Variants in CC2D2A observed in about 807,000 individuals in gnomAD.
CC2D2A encodes coiled-coil and C2 domain-containing protein 2A.
A neutral mutation model predicts 212.9 loss-of-function variants in CC2D2A; 155 were observed. That is an observed-to-expected ratio of 0.73 (90% confidence interval 0.64 to 0.83). CC2D2A has a LOEUF of 0.83. Among genes scored for constraint, CC2D2A ranks in the 40% least tolerant of loss-of-function variants. The probability of loss-of-function intolerance (pLI) is 0.00; values close to 1 mark genes in which losing one functional copy is unlikely to be tolerated. For missense variants in CC2D2A, 1,856 were observed against 1,956.2 expected (o/e 0.95, Z 0.97); for synonymous variants, 667 against 686.5 (o/e 0.97, Z 0.44).
At chr4:15,594,235 A>G (rs928564824) in intron 33 of CC2D2A, among the ~76,000 whole-genome samples, 31 of 152,154 alleles carry the variant, frequency 2.0e-4, no homozygotes, top group African/African-American at 7.5e-4. Flanking sequence ...ATTTCTGATG[A>G]AAAGTGATTT....
chr4:15,598,935 G>A (rs1273897079), intron 35 of CC2D2A, among the ~76,000 whole-genome samples: 6 of 152,070 alleles, frequency 3.9e-5, no homozygotes, highest in South Asian at 4.1e-4. Flanking sequence ...CAAGGCAGGC[G>A]GATCACTTGA....
chr4:15,489,451 C>G (rs921681587), intron 4 of CC2D2A, among the ~76,000 whole-genome samples: 1 of 152,086 alleles, frequency 6.6e-6, no homozygotes, highest in Non-Finnish European at 1.5e-5. Context: ...AGTTCACTAC[C>G]TCACACAGTA....
chr4:15,563,592 C>A, intron 24 of CC2D2A, 70 bp downstream of exon 24: 1 of 1,472,552 alleles, frequency 6.8e-7, no homozygotes, highest in Non-Finnish European at 9.3e-7. Flanking sequence ...TCCTTTACAG[C>A]ATACTCACTC....
At chr4:15,484,762 C>G (rs546804022) in intron 4 of CC2D2A, among the ~76,000 whole-genome samples, 9 of 152,218 alleles carry the variant, frequency 5.9e-5, no homozygotes, top group Admixed American at 2.0e-4. Flanking sequence ...GCAGAAAGGG[C>G]AGGTTTGAAG....
At chr4:15,486,976 T>A (rs1715036078) in intron 4 of CC2D2A, among the ~76,000 whole-genome samples, 1 of 152,072 alleles carries the variant, frequency 6.6e-6, no homozygotes, top group South Asian at 2.1e-4. Context: ...TGTTATTGAT[T>A]TCTAGTTTTA....
At chr4:15,511,586 C>A in intron 8 of CC2D2A, 163 bp downstream of exon 8, 1 of 571,040 alleles carries the variant, frequency 1.8e-6, no homozygotes, top group Non-Finnish European at 2.9e-6. Flanking sequence ...ACATGGCTCC[C>A]TGTAGCTCTG....
chr4:15,498,892 T>C (rs1715766685), intron 4 of CC2D2A, among the ~76,000 whole-genome samples: 1 of 152,232 alleles, frequency 6.6e-6, no homozygotes, highest in Non-Finnish European at 1.5e-5. Context: ...TCTATGTTTT[T>C]CCTTCGCTGA....
At chr4:15,492,942 G>A in intron 4 of CC2D2A, 1 of 520,772 alleles carries the variant, frequency 1.9e-6, no homozygotes, top group Non-Finnish European at 3.7e-6. Flanking sequence ...TCTGATGCCT[G>A]CTTCACCACC....
At chr4:15,523,832 C>A (rs1289136712) in intron 11 of CC2D2A, among the ~76,000 whole-genome samples, 2 of 152,198 alleles carry the variant, frequency 1.3e-5, no homozygotes, top group Non-Finnish European at 2.9e-5. Context: ...CTTTGATAGC[C>A]TAAGCTTAAC....
At chr4:15,534,428 T>C (rs1294314355) in intron 14 of CC2D2A, among the ~76,000 whole-genome samples, 2 of 152,254 alleles carry the variant, frequency 1.3e-5, no homozygotes, top group Admixed American at 1.3e-4. Context: ...ATAACCTTTA[T>C]AATTTTAGCT....
intron 18 of CC2D2A, among the ~76,000 whole-genome samples, chr4:15,552,603 T>C (rs1381670894): frequency 6.6e-6 from 1 of 152,184 alleles, no homozygotes. Flanking sequence ...ACATACTAAG[T>C]ATTTCTCTTA....
In CC2D2A at chr4:15,510,203, TC is replaced by T; in HGVS notation, c.505del (p.His169MetfsTer89). 1.9e-6 allele frequency: 3 copies of T among 1,612,980 alleles called. No individual in the cohort carries two copies. Among genetic ancestry groups the T allele is most frequent in the Non-Finnish European group, 2.5e-6 (3 of 1,179,626 alleles). On this transcript the variant is annotated frameshift_variant, in exon 7 of 37. Transcript: ENST00000424120. LOFTEE classifies it high-confidence loss of function. ...TCCCAAAGTTACTCAAGAGTCAAGT[TC>T]CATGATTCTGCACGAAAAATCAAGC... ...VDSQSYSRVKFHDSARKIKPK... is the reference protein window; with the variant it reads ...VDSQSYSRVKXHDSARKIKPK...
intron 31 of CC2D2A, 97 bp from the exon 32 acceptor site, chr4:15,587,719 A>G (rs947260487): frequency 1.8e-5 from 12 of 672,968 alleles, no homozygotes; most frequent in African/African-American, 3.6e-5. Flanking sequence ...TTACACTTCA[A>G]GACACTAACC....
rs1162314159 is a variant in CC2D2A at position 15,502,884 on chromosome 4, T to C, written c.399T>C (p.Ser133=). The change falls in exon 6 of 37, where the codon AGT becomes AGC. Residue 133 remains serine (S), a synonymous_variant. Coordinates refer to ENST00000424120, the MANE Select transcript of CC2D2A (RefSeq NM_001378615.1). ...IPTPRPRRLR[S]PSKKELETEF... is the part of the protein sequence containing the mutation. Reference sequence around the variant, plus strand: ...CTCCTCGGCCCAGACGCTTACGAAGTCCCAGTAAGAAAGAATTGGAGACTG... The same window carrying C: ...CTCCTCGGCCCAGACGCTTACGAAGCCCCAGTAAGAAAGAATTGGAGACTG... 1 of 1,611,408 alleles carries C rather than the reference T, an allele frequency of 6.2e-7. No individual in the cohort carries two copies.
intron 30 of CC2D2A, among the ~76,000 whole-genome samples, chr4:15,581,391 A>C (rs1284426776): frequency 6.6e-6 from 1 of 152,226 alleles, no homozygotes; most frequent in East Asian, 1.9e-4. Context: ...GGAAAATATA[A>C]GAGACAAGAA....
chr4:15,554,297 AGCCCC>A (rs1165021849), intron 19 of CC2D2A, among the ~76,000 whole-genome samples: 1 of 152,246 alleles, frequency 6.6e-6, no homozygotes, highest in African/African-American at 2.4e-5. Flanking sequence ...CTATTAATAA[AGCCCC>A]AGCTCAACCT....
At chr4:15,558,666 AGAG>A (rs1719413707) in intron 21 of CC2D2A, among the ~76,000 whole-genome samples, 1 of 152,098 alleles carries the variant, frequency 6.6e-6, no homozygotes, top group Non-Finnish European at 1.5e-5. Flanking sequence ...GAGTGGGATT[AGAG>A]GAGAACATAG....
intron 24 of CC2D2A, 120 bp downstream of exon 24, chr4:15,563,642 G>T (rs982307352): frequency 2.7e-6 from 3 of 1,119,850 alleles, no homozygotes; most frequent in Admixed American, 2.2e-5. Context: ...GGGACTGAGG[G>T]TTCTTGCAAA....
At position 15,589,667 on chromosome 4, in the gene CC2D2A, AGGTCCTGACAATG is replaced by A; in HGVS notation, c.4303_4314+1del. 4 of 1,563,160 alleles carry A rather than the reference AGGTCCTGACAATG, an allele frequency of 2.6e-6. No individual in the cohort carries two copies. Among genetic ancestry groups the A allele is most frequent in the Non-Finnish European group, 3.5e-6 (4 of 1,152,014 alleles). On this transcript the variant is annotated splice_donor_variant and coding_sequence_variant, in exon 33 of 37. Transcript: ENST00000424120. LOFTEE classifies it high-confidence loss of function. ...CCTTGAAAAATGTGGGCTGTTTAAT[AGGTCCTGACAATG>A]TAAGTATTAACATTTCTTCTTAAAT...
Sources: allele counts gnomAD v4.1 joint callset (sites outside exome capture counted in the v4.1 genomes callset), GRCh38; gene constraint gnomAD v4.1.1; transcripts MANE v1.5; gene names NCBI Gene and HGNC (gene_info 2026-07-23, HGNC 2026-07-21).